Variants in FHOD3 observed in about 807,000 individuals in gnomAD.
FHOD3 encodes the protein FH1/FH2 domain-containing protein 3.
Under a neutral mutation model 173.0 loss-of-function variants are expected in FHOD3, and 90 were observed. That is an observed-to-expected ratio of 0.52 (90% CI 0.44 to 0.62). The LOEUF (loss-of-function observed/expected upper bound fraction) is 0.62. Among genes scored for constraint, FHOD3 ranks in the 20% least tolerant of loss-of-function variants. The pLI is 0.00. For synonymous variants in FHOD3, 828 were observed against 823.0 expected, an observed-to-expected ratio of 1.01 and a Z score of -0.10; for missense variants, 1,945 against 2,034.7, an observed-to-expected ratio of 0.96 and a Z score of 0.85.
chr18:36,409,826 C>T (rs1300955967), intron 3 of FHOD3, among the ~76,000 whole-genome samples: 1 of 152,136 alleles, frequency 6.6e-6, no homozygotes, highest in African/African-American at 2.4e-5. Flanking sequence ...CTGAAGGTGG[C>T]TTTGGGGTGG....
intron 2 of FHOD3, among the ~76,000 whole-genome samples, chr18:36,365,576 A>C (rs1326847983): frequency 3.9e-5 from 6 of 152,198 alleles, no homozygotes; most frequent in Non-Finnish European, 8.8e-5. Flanking sequence ...GCATTGATGA[A>C]AAAGTTAAAA....
chr18:36,745,381 C>T (rs1457216963), intron 23 of FHOD3, among the ~76,000 whole-genome samples: 1 of 152,206 alleles, frequency 6.6e-6, no homozygotes, highest in Non-Finnish European at 1.5e-5. Context: ...ACCTGAATCC[C>T]AGGGCTTTGC....
At chr18:36,716,494 A>G (rs2040456362) in intron 18 of FHOD3, among the ~76,000 whole-genome samples, 1 of 152,234 alleles carries the variant, frequency 6.6e-6, no homozygotes, top group Admixed American at 6.5e-5. Flanking sequence ...GCAGGGTTGG[A>G]GAAGGTGGTA....
At chr18:36,304,107 A>C (rs573852523) in intron 1 of FHOD3, among the ~76,000 whole-genome samples, 2 of 152,334 alleles carry the variant, frequency 1.3e-5, no homozygotes, top group South Asian at 4.1e-4. Flanking sequence ...GCTGTGATTG[A>C]ATGCTGATTC....
At chr18:36,435,952 T>G (rs1447630193) in intron 3 of FHOD3, among the ~76,000 whole-genome samples, 2 of 152,184 alleles carry the variant, frequency 1.3e-5, no homozygotes, top group Non-Finnish European at 2.9e-5. Context: ...AGAAGCCCCA[T>G]GGATTAAAGA....
chr18:36,671,780 T>C (rs1445392972), intron 14 of FHOD3, among the ~76,000 whole-genome samples: 3 of 152,068 alleles, frequency 2.0e-5, no homozygotes, highest in Admixed American at 6.6e-5. Flanking sequence ...ACAGTTGCTG[T>C]GGGGGAAGGA....
chr18:36,487,255 A>G (rs551063076), intron 3 of FHOD3, among the ~76,000 whole-genome samples: 2 of 152,236 alleles, frequency 1.3e-5, no homozygotes, highest in Non-Finnish European at 2.9e-5. Context: ...AGCATCTCAC[A>G]TCCCACCAGC....
At chr18:36,543,737 G>T (rs1264526452) in intron 5 of FHOD3, among the ~76,000 whole-genome samples, 5 of 152,166 alleles carry the variant, frequency 3.3e-5, no homozygotes, top group African/African-American at 1.2e-4. Context: ...ACAAAGTACT[G>T]TTTTCCCTAA....
At chr18:36,508,210 T>C (rs2055411774) in intron 4 of FHOD3, among the ~76,000 whole-genome samples, 1 of 152,114 alleles carries the variant, frequency 6.6e-6, no homozygotes, top group Non-Finnish European at 1.5e-5. Flanking sequence ...AACTCTGTGT[T>C]CCTGAATTTA....
At chr18:36,308,167 A>G (rs1330751153) in intron 1 of FHOD3, among the ~76,000 whole-genome samples, 2 of 152,366 alleles carry the variant, frequency 1.3e-5, no homozygotes, top group Admixed American at 6.5e-5. Context: ...GTAGTTGCCA[A>G]TAAGGAAAAT....
intron 3 of FHOD3, among the ~76,000 whole-genome samples, chr18:36,453,288 T>C (rs965809000): frequency 1.2e-4 from 18 of 152,214 alleles, no homozygotes; most frequent in Non-Finnish European, 2.5e-4. Context: ...TTGGCAAAGA[T>C]TTTAATTTAC....
At chr18:36,413,655 A>AG (rs1306559143) in intron 3 of FHOD3, among the ~76,000 whole-genome samples, 5 of 152,334 alleles carry the variant, frequency 3.3e-5, no homozygotes, top group African/African-American at 1.2e-4. Flanking sequence ...GGCAATGCTA[A>AG]GGGACACTTA....
intron 10 of FHOD3, among the ~76,000 whole-genome samples, chr18:36,635,293 T>C (rs2034804522): frequency 1.3e-5 from 2 of 152,226 alleles, no homozygotes; most frequent in African/African-American, 4.8e-5. Context: ...GGGTTTGAAC[T>C]TCCCTGAATT....
At chr18:36,408,497 C>T (rs2049180701) in intron 3 of FHOD3, among the ~76,000 whole-genome samples, 1 of 151,978 alleles carries the variant, frequency 6.6e-6, no homozygotes. Flanking sequence ...TGGGGGGGTA[C>T]AGGGGAAGGG....
At chr18:36,762,626 G>C (rs185212996) in intron 27 of FHOD3, among the ~76,000 whole-genome samples, 2 of 152,126 alleles carry the variant, frequency 1.3e-5, no homozygotes, top group East Asian at 3.9e-4. Context: ...GTGAAACCCT[G>C]TCTCTACTAA....
At chr18:36,593,486 G>GT (rs1429422856) in intron 6 of FHOD3, among the ~76,000 whole-genome samples, 4 of 152,180 alleles carry the variant, frequency 2.6e-5, no homozygotes, top group Non-Finnish European at 4.4e-5. Flanking sequence ...GGGGTGAGTG[G>GT]TGTTTTTAAG....
At chr18:36,567,036 A>T (rs2058290592) in intron 5 of FHOD3, among the ~76,000 whole-genome samples, 1 of 152,202 alleles carries the variant, frequency 6.6e-6, no homozygotes, top group African/African-American at 2.4e-5. Context: ...GCAGGTATAC[A>T]GTGAGCTCCA....
chr18:36,750,826 C>G (rs1207514369), intron 24 of FHOD3, among the ~76,000 whole-genome samples: 1 of 152,180 alleles, frequency 6.6e-6, no homozygotes, highest in African/African-American at 2.4e-5. Flanking sequence ...GCTTTCTATT[C>G]TGTTCCATTG....
chr18:36,305,973 C>T (rs940944680), intron 1 of FHOD3, among the ~76,000 whole-genome samples: 2 of 152,256 alleles, frequency 1.3e-5, no homozygotes, highest in South Asian at 4.2e-4. Flanking sequence ...TGAGACAAGT[C>T]GTTGATAGAA....
Sources: gnomAD v4.1 joint callset for allele counts (sites outside exome capture counted in the v4.1 genomes callset) on GRCh38, gnomAD v4.1.1 for gene constraint, MANE v1.5 for transcripts, NCBI Gene and HGNC (gene_info 2026-07-23, HGNC 2026-07-21) for gene names.